Variants in FAM228B observed in about 807,000 individuals in gnomAD.
FAM228B encodes family with sequence similarity 228 member B, also known as protein FAM228B.
A neutral mutation model predicts 42.6 loss-of-function variants in FAM228B; 38 were observed. The observed-to-expected ratio is 0.89, with a 90% CI of 0.69 to 1.17. The LOEUF (loss-of-function observed/expected upper bound fraction) is 1.17, where lower values mean the gene tolerates loss of function less well. FAM228B is among the 50% of genes most tolerant of loss of function. FAM228B has a pLI of 0.00. For missense variants in FAM228B, 344 were observed against 367.3 expected, an observed-to-expected ratio of 0.94 and a Z score of 0.52; for synonymous variants, 109 against 122.3, an observed-to-expected ratio of 0.89 and a Z score of 0.72.
intron 2 of FAM228B, chr2:24,085,926 C>T (rs556676149): frequency 6.6e-6 from 1 of 152,262 alleles, no homozygotes; most frequent in Admixed American, 6.5e-5. Flanking sequence ...ATTCAGGAGA[C>T]CCTGCTATGA....
chr2:24,116,683 C>T (rs1455504098), intron 3 of FAM228B, among the ~76,000 whole-genome samples: 3 of 151,772 alleles, frequency 2.0e-5, no homozygotes, highest in Non-Finnish European at 4.4e-5. Flanking sequence ...GGTGAAACCC[C>T]GTCTCTACTA....
At chr2:24,108,021 T>C (rs554352171) in intron 3 of FAM228B, among the ~76,000 whole-genome samples, 1 of 152,140 alleles carries the variant, frequency 6.6e-6, no homozygotes, top group Admixed American at 6.5e-5. Flanking sequence ...GATAGATAGA[T>C]CACTAGCTAG....
At position 24,080,985 on chromosome 2, in the gene FAM228B, AC is replaced by A. The variant is rs772433723; in HGVS notation, c.-210+31del. ...GTTGGATAGCAGCTGTGCCCACACC[AC>A]TCAGTCCTGCATGGATTAGCACATA... On this transcript the variant is annotated intron_variant, in intron 2 of 10. Transcript: ENST00000613899. This position sits in a 1 kb window ranked among gnomAD's most constrained non-coding sequence, Gnocchi z 4.7. 1 of 1,613,886 alleles carries A rather than the reference AC, an allele frequency of 6.2e-7. No individual in the cohort carries two copies. Among genetic ancestry groups the A allele is most frequent in the Non-Finnish European group, 8.5e-7 (1 of 1,180,020 alleles).
intron 3 of FAM228B, among the ~76,000 whole-genome samples, chr2:24,109,188 A>G (rs549815084): frequency 1.3e-5 from 2 of 148,210 alleles, no homozygotes; most frequent in Admixed American, 6.7e-5. Context: ...AAAAAAAAAA[A>G]GCAATGGAAA....
chr2:24,163,037 C>T (rs188066242), intron 8 of FAM228B, among the ~76,000 whole-genome samples: 181 of 152,076 alleles, frequency 1.2e-3, no homozygotes, highest in African/African-American at 4.2e-3. Context: ...TTGACTTGTA[C>T]ACTTAAAATG....
chr2:24,130,789 G>A (rs1486786611), intron 2 of FAM228B, among the ~76,000 whole-genome samples: 1 of 152,072 alleles, frequency 6.6e-6, no homozygotes, highest in Non-Finnish European at 1.5e-5. Flanking sequence ...CTGTATAGAA[G>A]CTCTTTAGAT....
In FAM228B at chr2:24,095,475, G is replaced by C. The variant is rs1414448916; in HGVS notation, c.-121+246G>C. ...ATTCTCTCCCATGCCTGGCTCGGCG[G>C]GTTCCACACCCACGGAGCCTTGCTC... On this transcript the variant is annotated intron_variant, in intron 3 of 10. Transcript: ENST00000613899. This position sits in a 1 kb window ranked among gnomAD's most constrained non-coding sequence, Gnocchi z 4.8. 1 of 152,306 alleles carries C rather than the reference G, an allele frequency of 6.6e-6. No individual in the cohort carries two copies. The highest frequency in any genetic ancestry group is 1.5e-5 in the Non-Finnish European group (1 of 68,082). The allele number at this position is 152,306 out of a possible 1,614,324, so 9.4% of individuals were successfully genotyped here. A position where few individuals can be genotyped will look rare whatever the true frequency, so the allele number is the denominator to read the frequency against.
chr2:24,157,565 C>T (rs1667176779), intron 7 of FAM228B, among the ~76,000 whole-genome samples: 1 of 151,848 alleles, frequency 6.6e-6, no homozygotes, highest in South Asian at 2.1e-4. Context: ...TGGTGAAACC[C>T]AGTCTCTACT....
At position 24,154,575 on chromosome 2, in the gene FAM228B, A is replaced by C. The variant is rs188545541; in HGVS notation, c.687-6931A>C. Among the ~76,000 whole-genome samples, 19 of 152,358 alleles carry C rather than the reference A, an allele frequency of 1.2e-4. No individual in the cohort carries two copies. The East Asian group carries it at 3.7e-3, about 29-fold the overall frequency. ...GAGCACACATTTTAAATTTTAATAA[A>C]GTCCAGCTAATCATCAATGTTTTTC... On this transcript the variant is annotated intron_variant, in intron 7 of 10. Coordinates refer to ENST00000615575, the MANE Select transcript of FAM228B (RefSeq NM_001145710.2).
At chr2:24,141,317 T>C (rs1253948871) in intron 5 of FAM228B, among the ~76,000 whole-genome samples, 4 of 152,220 alleles carry the variant, frequency 2.6e-5, no homozygotes, top group East Asian at 1.9e-4. Flanking sequence ...GATCTTGGCT[T>C]ACTGCAACCT....
intron 2 of FAM228B, among the ~76,000 whole-genome samples, chr2:24,083,941 G>A (rs1292775703): frequency 6.6e-6 from 1 of 152,230 alleles, no homozygotes; most frequent in African/African-American, 2.4e-5. Flanking sequence ...AACAATGTTA[G>A]TTCCGCCCTC....
chr2:24,088,630 C>T (rs1328150086), intron 2 of FAM228B, among the ~76,000 whole-genome samples: 2 of 151,638 alleles, frequency 1.3e-5, no homozygotes, highest in Non-Finnish European at 2.9e-5. Context: ...CGATTACAGG[C>T]GTGAGCCACC....
intron 3 of FAM228B, among the ~76,000 whole-genome samples, chr2:24,099,842 G>C (rs560320209): frequency 3.0e-4 from 46 of 152,266 alleles, no homozygotes; most frequent in African/African-American, 9.9e-4. Flanking sequence ...CAAAGCTGGA[G>C]GCATCAAGCT....
chr2:24,094,029 CTTTTTTTTTTTTTT>C (rs57620033), intron 2 of FAM228B, among the ~76,000 whole-genome samples: 16,752 of 78,144 alleles, frequency 0.21, 1,350 homozygotes, highest in South Asian at 0.35. Context: ...TCGCCACATA[CTTTTTTTTTTTTTT>C]TTTTTTTTTT....
At chr2:24,093,967 G>A (rs922239991) in intron 2 of FAM228B, among the ~76,000 whole-genome samples, 3 of 148,796 alleles carry the variant, frequency 2.0e-5, no homozygotes, top group Admixed American at 6.8e-5. Context: ...TATATACCCA[G>A]TAATGGGATT....
upstream of FAM228B, among the ~76,000 whole-genome samples, chr2:24,120,997 ACTTT>A (rs10610250): frequency 0.12 from 17,862 of 151,844 alleles, 1,222 homozygotes; most frequent in South Asian, 0.18. Flanking sequence ...TCTTGATAGG[ACTTT>A]CTTTCACATA....
At chr2:24,098,664 C>G (rs566158002) in intron 3 of FAM228B, among the ~76,000 whole-genome samples, 5 of 152,102 alleles carry the variant, frequency 3.3e-5, no homozygotes, top group Non-Finnish European at 5.9e-5. Flanking sequence ...AAAAAAAGTC[C>G]AGGACCAGAT....
chr2:24,111,455 T>A (rs989097710), intron 3 of FAM228B, among the ~76,000 whole-genome samples: 1 of 152,222 alleles, frequency 6.6e-6, no homozygotes, highest in Non-Finnish European at 1.5e-5. Context: ...ATTCTTTGCA[T>A]ATCTCTGCTC....
chr2:24,105,447 A>C (rs1368102213), intron 3 of FAM228B, among the ~76,000 whole-genome samples: 1 of 152,168 alleles, frequency 6.6e-6, no homozygotes, highest in Non-Finnish European at 1.5e-5. Context: ...AAAAGCAAAA[A>C]CAAAAAATTT....
Sources: gnomAD v4.1 joint callset for allele counts (sites outside exome capture counted in the v4.1 genomes callset) on GRCh38, gnomAD v4.1.1 for gene constraint, Gnocchi (gnomAD v3.1) non-coding constraint, MANE v1.5 for transcripts, NCBI Gene and HGNC (gene_info 2026-07-23, HGNC 2026-07-21) for gene names.